SLC44A5: variants seen among roughly 807,000 people sequenced by gnomAD.
The protein encoded by SLC44A5 is choline transporter-like protein 5.
A neutral mutation model predicts 101.8 loss-of-function variants in SLC44A5; 57 were observed. The observed-to-expected ratio is 0.56, with a 90% CI of 0.45 to 0.70. SLC44A5 has a LOEUF of 0.70. Among genes scored for constraint, SLC44A5 ranks in the 30% least tolerant of loss-of-function variants. SLC44A5 has a pLI of 0.00. For missense variants in SLC44A5, 737 were observed against 853.1 expected (o/e 0.86, Z 1.70); for synonymous variants, 281 against 290.9 (o/e 0.97, Z 0.35).
At chr1:75,282,526 CA>C (rs1652688638) in intron 5 of SLC44A5, among the ~76,000 whole-genome samples, 2 of 152,148 alleles carry the variant, frequency 1.3e-5, no homozygotes, top group Middle Eastern at 3.4e-3. Flanking sequence ...TGGAAGGGGC[CA>C]GGGGTGGAAT....
intron 2 of SLC44A5, among the ~76,000 whole-genome samples, chr1:75,494,073 C>A (rs1046073202): frequency 2.0e-5 from 3 of 152,118 alleles, no homozygotes; most frequent in Non-Finnish European, 4.4e-5. Flanking sequence ...CAAGTGGAAC[C>A]TTTGAGAGGT....
At chr1:75,209,867 T>C (rs1245048600) in intron 23 of SLC44A5, among the ~76,000 whole-genome samples, 1 of 152,128 alleles carries the variant, frequency 6.6e-6, no homozygotes, top group Non-Finnish European at 1.5e-5. Flanking sequence ...GGCAATGTGC[T>C]AGAGAAATAA....
the SLC44A5 span, among the ~76,000 whole-genome samples, chr1:75,716,067 T>A: frequency 3.3e-5 from 5 of 152,110 alleles, no homozygotes; most frequent in Non-Finnish European, 7.4e-5. Flanking sequence ...AAAATGTTCA[T>A]CATCAGTAAT....
chr1:75,686,173 T>A, the SLC44A5 span, among the ~76,000 whole-genome samples: 1 of 152,106 alleles, frequency 6.6e-6, no homozygotes, highest in East Asian at 1.9e-4. Context: ...CAAGGTGAGA[T>A]TTGGGTGGGG....
intron 1 of SLC44A5, among the ~76,000 whole-genome samples, chr1:75,603,768 T>TTTTTC: frequency 6.7e-6 from 1 of 150,210 alleles, no homozygotes; most frequent in Non-Finnish European, 1.5e-5. Context: ...TTTTTTTTTT[T>TTTTTC]TTGCTGCTTG....
intron 4 of SLC44A5, among the ~76,000 whole-genome samples, chr1:75,304,138 A>G (rs537771956): frequency 6.6e-6 from 1 of 151,614 alleles, no homozygotes; most frequent in South Asian, 2.1e-4. Flanking sequence ...ACCATACCCT[A>G]TGGCCAGACT....
chr1:75,708,507 A>G, the SLC44A5 span, among the ~76,000 whole-genome samples: 2 of 151,934 alleles, frequency 1.3e-5, no homozygotes, highest in African/African-American at 4.8e-5. Flanking sequence ...TAACTGGATA[A>G]GTACACAGTG....
In SLC44A5 at chr1:75,386,905, G is replaced by A. The variant is rs1049271005; in HGVS notation, c.52+9678C>T. Among the ~76,000 whole-genome samples, 20 of 151,898 alleles carry A rather than the reference G, an allele frequency of 1.3e-4. No homozygotes were observed. The East Asian group carries it at 2.5e-3, about 19-fold the overall frequency. On this transcript the variant is annotated intron_variant, in intron 3 of 23. Transcript: ENST00000370859. The stretch of plus-strand genomic sequence containing the variant: ...GAACAGAACCCTCAGAAATAACGCC[G>A]CATATCTACAACTATCTGATCTTTG...
chr1:75,616,217 C>T, the SLC44A5 span, among the ~76,000 whole-genome samples: 1 of 151,636 alleles, frequency 6.6e-6, no homozygotes, highest in East Asian at 2.0e-4. Context: ...CCAGCGCTGA[C>T]CTCCCCCTTC....
chr1:75,713,050 A>G, the SLC44A5 span, among the ~76,000 whole-genome samples: 39,812 of 151,966 alleles, frequency 0.26, 6,476 homozygotes, highest in East Asian at 0.68. Flanking sequence ...GTTCCGCCTA[A>G]CCACTACCCT....
chr1:75,310,165 A>G (rs1254467477), intron 4 of SLC44A5, among the ~76,000 whole-genome samples: 1 of 152,222 alleles, frequency 6.6e-6, no homozygotes, highest in Non-Finnish European at 1.5e-5. Flanking sequence ...ATACCAGGAA[A>G]CTTAAAGCCA....
At chr1:75,519,483 G>A (rs1425834923) in intron 2 of SLC44A5, among the ~76,000 whole-genome samples, 3 of 151,846 alleles carry the variant, frequency 2.0e-5, no homozygotes, top group East Asian at 1.9e-4. Context: ...GCTTGAACCC[G>A]GGAAGCAGAG....
At chr1:75,669,074 C>T in the SLC44A5 span, among the ~76,000 whole-genome samples, 1 of 151,542 alleles carries the variant, frequency 6.6e-6, no homozygotes, top group Non-Finnish European at 1.5e-5. Context: ...GGTCTTGAGA[C>T]ACAATCTTTT....
chr1:75,477,915 C>T (rs1425538961), intron 2 of SLC44A5, among the ~76,000 whole-genome samples: 1 of 151,994 alleles, frequency 6.6e-6, no homozygotes, highest in Non-Finnish European at 1.5e-5. Flanking sequence ...CACAAAGATA[C>T]TCCTCGAGAA....
intron 12 of SLC44A5, among the ~76,000 whole-genome samples, chr1:75,229,148 A>G (rs1647336488): frequency 6.6e-6 from 1 of 152,012 alleles, no homozygotes; most frequent in African/African-American, 2.4e-5. Context: ...TACAAATAAA[A>G]GCATGTATGG....
chr1:75,376,191 C>G (rs1487191085), intron 3 of SLC44A5, among the ~76,000 whole-genome samples: 2 of 152,344 alleles, frequency 1.3e-5, no homozygotes, highest in East Asian at 3.9e-4. Context: ...GTCCTACGCC[C>G]ATGGAGTCTC....
chr1:75,420,952 A>G (rs2101557850), intron 2 of SLC44A5, among the ~76,000 whole-genome samples: 1 of 152,254 alleles, frequency 6.6e-6, no homozygotes, highest in South Asian at 2.1e-4. Context: ...ATAAATAGCC[A>G]TTAGAACACA....
At chr1:75,634,264 T>C in the SLC44A5 span, among the ~76,000 whole-genome samples, 4 of 152,202 alleles carry the variant, frequency 2.6e-5, no homozygotes, top group African/African-American at 9.6e-5. Flanking sequence ...TTCCCTCTTT[T>C]TCTATTGATT....
At chr1:75,504,257 A>T (rs186523693) in intron 2 of SLC44A5, among the ~76,000 whole-genome samples, 138 of 152,298 alleles carry the variant, frequency 9.1e-4, no homozygotes, top group Admixed American at 8.8e-3. Context: ...ATTAAAAAAC[A>T]GGGAAAAGCA....
Sources: allele counts gnomAD v4.1 joint callset (sites outside exome capture counted in the v4.1 genomes callset), GRCh38; gene constraint gnomAD v4.1.1; transcripts MANE v1.5; gene names NCBI Gene and HGNC (gene_info 2026-07-23, HGNC 2026-07-21).